PDE1A: variants seen among roughly 807,000 people sequenced by gnomAD.
The protein encoded by PDE1A is phosphodiesterase 1A, also known as dual specificity calcium/calmodulin-dependent 3',5'-cyclic nucleotide phosphodiesterase 1A.
In PDE1A, 35 loss-of-function variants were observed where a neutral mutation model predicts 61.7. That is an observed-to-expected ratio of 0.57 (90% CI 0.43 to 0.75). The LOEUF (loss-of-function observed/expected upper bound fraction) is 0.75. Among genes scored for constraint, PDE1A ranks in the 30% least tolerant of loss-of-function variants. The pLI is 0.00. For synonymous variants in PDE1A, 232 were observed against 213.2 expected, an observed-to-expected ratio of 1.09 and a Z score of -0.77; for missense variants, 597 against 630.6, an observed-to-expected ratio of 0.95 and a Z score of 0.57.
chr2:182,412,424 G>C (rs1407433632), intron 1 of PDE1A, among the ~76,000 whole-genome samples: 1 of 152,174 alleles, frequency 6.6e-6, no homozygotes, highest in Non-Finnish European at 1.5e-5. Context: ...ACCCAGCAAA[G>C]TTATTTAAGC....
the PDE1A span, among the ~76,000 whole-genome samples, chr2:182,688,614 C>T: frequency 6.6e-6 from 1 of 152,148 alleles, no homozygotes; most frequent in Non-Finnish European, 1.5e-5. Context: ...GAAGAAACTG[C>T]ATCAACTAAC....
At chr2:182,375,060 A>G (rs1004823416) in intron 1 of PDE1A, among the ~76,000 whole-genome samples, 4 of 152,198 alleles carry the variant, frequency 2.6e-5, no homozygotes, top group Non-Finnish European at 4.4e-5. Flanking sequence ...TACTCAAATT[A>G]TCTTCCACCA....
the PDE1A span, among the ~76,000 whole-genome samples, chr2:182,587,557 G>A: frequency 6.6e-6 from 1 of 152,116 alleles, no homozygotes; most frequent in Non-Finnish European, 1.5e-5. Flanking sequence ...AACTAAGTGG[G>A]GTACCAACTT....
chr2:182,331,410 T>G (rs1402797260), intron 1 of PDE1A, among the ~76,000 whole-genome samples: 1 of 152,226 alleles, frequency 6.6e-6, no homozygotes, highest in Non-Finnish European at 1.5e-5. Flanking sequence ...CTAGTTATTT[T>G]GCCTAATAGT....
the PDE1A span, among the ~76,000 whole-genome samples, chr2:182,566,517 T>A: frequency 6.6e-6 from 1 of 151,150 alleles, no homozygotes; most frequent in African/African-American, 2.4e-5. Flanking sequence ...ATATAATATA[T>A]ATTTATTATA....
chr2:182,458,681 A>G lies in PDE1A; in HGVS notation c.101+63595T>C, dbSNP rs1350263773. 3.3e-5 allele frequency among the ~76,000 whole-genome samples: 5 copies of G among 152,240 alleles called. No individual in the cohort carries two copies. The East Asian group carries it at 9.7e-4, about 29-fold the overall frequency. On this transcript the variant is annotated intron_variant, in intron 2 of 14. Coordinates refer to the PDE1A transcript ENST00000410103. ...GTCCCAGCATTCCCAACTCAATCTT[A>G]TACTCATTTTATTTTATCACCCTGC...
At chr2:182,352,195 GC>G (rs1279553385) in intron 1 of PDE1A, among the ~76,000 whole-genome samples, 2 of 152,182 alleles carry the variant, frequency 1.3e-5, no homozygotes, top group Admixed American at 1.3e-4. Flanking sequence ...GAGCAGGCTT[GC>G]CTACTGTTCA....
At chr2:182,642,564 T>C in the PDE1A span, among the ~76,000 whole-genome samples, 66 of 152,098 alleles carry the variant, frequency 4.3e-4, no homozygotes, top group Non-Finnish European at 6.6e-4. Context: ...GAGGGTGTGC[T>C]ATGGAGGATT....
intron 8 of PDE1A, among the ~76,000 whole-genome samples, chr2:182,202,152 T>C (rs1484656170): frequency 6.6e-6 from 1 of 152,148 alleles, no homozygotes. Context: ...TACAGTATTA[T>C]ATAGTATTTC....
At chr2:182,548,033 C>T in the PDE1A span, among the ~76,000 whole-genome samples, 7 of 152,084 alleles carry the variant, frequency 4.6e-5, no homozygotes, top group Non-Finnish European at 1.0e-4. Context: ...GACTGGAATT[C>T]GGTACCATTT....
At chr2:182,191,723 ATGC>A (rs1685707705) in intron 10 of PDE1A, among the ~76,000 whole-genome samples, 2 of 146,780 alleles carry the variant, frequency 1.4e-5, no homozygotes, top group African/African-American at 2.5e-5. Context: ...TTTTGTCAAG[ATGC>A]TGCTATCTGG....
intron 3 of PDE1A, among the ~76,000 whole-genome samples, chr2:182,238,534 C>T (rs557453846): frequency 7.9e-5 from 12 of 152,106 alleles, no homozygotes; most frequent in Middle Eastern, 3.4e-3. Context: ...TGGGAGGAAG[C>T]GTTTAAAGGA....
intron 1 of PDE1A, among the ~76,000 whole-genome samples, chr2:182,268,573 A>G (rs1692795529): frequency 6.6e-6 from 1 of 152,068 alleles, no homozygotes; most frequent in African/African-American, 2.4e-5. Flanking sequence ...GTCAAATGTC[A>G]AACTGCAGGT....
At chr2:182,444,537 G>A (rs1685007545) in intron 2 of PDE1A, among the ~76,000 whole-genome samples, 1 of 151,858 alleles carries the variant, frequency 6.6e-6, no homozygotes, top group African/African-American at 2.4e-5. Flanking sequence ...ATTAATAAAT[G>A]CATATCTATA....
chr2:182,365,910 G>T (rs1047243163), intron 1 of PDE1A, among the ~76,000 whole-genome samples: 2 of 151,952 alleles, frequency 1.3e-5, no homozygotes, highest in African/African-American at 2.4e-5. Context: ...ATAAATCAAT[G>T]GTTCTCACCT....
At chr2:182,536,931 A>G in the PDE1A span, among the ~76,000 whole-genome samples, 1 of 152,180 alleles carries the variant, frequency 6.6e-6, no homozygotes, top group Non-Finnish European at 1.5e-5. Flanking sequence ...AAGGAGACCC[A>G]CGTGTTCTAG....
chr2:182,473,698 G>A (rs1035864327), intron 2 of PDE1A, among the ~76,000 whole-genome samples: 21 of 151,792 alleles, frequency 1.4e-4, no homozygotes, highest in African/African-American at 5.1e-4. Context: ...GTGTCCATGT[G>A]TTCTCATAAT....
chr2:182,420,024 G>T (rs1441352498), intron 1 of PDE1A, among the ~76,000 whole-genome samples: 1 of 148,540 alleles, frequency 6.7e-6, no homozygotes, highest in Non-Finnish European at 1.5e-5. Context: ...AATTATAATA[G>T]AAGTATAATA....
chr2:182,362,885 A>G (rs377593257), intron 1 of PDE1A, among the ~76,000 whole-genome samples: 2 of 152,140 alleles, frequency 1.3e-5, no homozygotes, highest in East Asian at 3.9e-4. Flanking sequence ...CTATGCAGCC[A>G]TAAAAAGGAA....
Sources: gnomAD v4.1 joint callset for allele counts (sites outside exome capture counted in the v4.1 genomes callset) on GRCh38, gnomAD v4.1.1 for gene constraint, MANE v1.5 for transcripts, NCBI Gene and HGNC (gene_info 2026-07-23, HGNC 2026-07-21) for gene names.